The following PTGFRN variants were observed in gnomAD, a reference collection of about 807,000 sequenced individuals.
PTGFRN encodes prostaglandin F2 receptor negative regulator.
Under a neutral mutation model 83.2 loss-of-function variants are expected in PTGFRN, and 35 were observed. That is an observed-to-expected ratio of 0.42 (90% CI 0.32 to 0.56). The LOEUF (loss-of-function observed/expected upper bound fraction) is 0.56, where lower values mean the gene tolerates loss of function less well. Among genes scored for constraint, PTGFRN ranks in the 20% least tolerant of loss-of-function variants. PTGFRN has a pLI of 0.11. For missense variants in PTGFRN, 1,051 were observed against 1,179.5 expected (o/e 0.89, Z 1.60); for synonymous variants, 519 against 498.6 (o/e 1.04, Z -0.55).
chr1:116,918,816 C>T lies in PTGFRN; in HGVS notation c.49+8564C>T, dbSNP rs1557956959. ...GAGGGACAGCATCATGTGGTCTCTC[C>T]ATGGAATGAGAGTGGAAGGATGAGT... On this transcript the variant is annotated intron_variant, in intron 1 of 8. Transcript: ENST00000393203. This position sits in a 1 kb window ranked among gnomAD's most constrained non-coding sequence, Gnocchi z 4.1. 6.6e-6 allele frequency among the ~76,000 whole-genome samples: 1 copy of T among 152,150 alleles called. No individual in the cohort carries two copies. Among genetic ancestry groups the T allele is most frequent in the African/African-American group, 2.4e-5 (1 of 41,434 alleles).
Position 116,910,011 on chromosome 1 carries a change from G to A in PTGFRN, c.-193G>A, listed in dbSNP as rs1164589360. On this transcript the variant is annotated 5_prime_UTR_variant, in exon 1 of 9. Transcript: ENST00000393203. ...GCTGGAGGAGGGAGGGAAGGAGGCG[G>A]GAGGGAGCGAGCGGAGCCAGGGGCG... 1 of 671,804 alleles carries A rather than the reference G, an allele frequency of 1.5e-6. No individual in the cohort carries two copies. Among genetic ancestry groups the A allele is most frequent in the Non-Finnish European group, 2.6e-6 (1 of 384,766 alleles). The allele number at this position is 671,804 out of a possible 1,614,324, so 41.6% of individuals were successfully genotyped here.
At chr1:116,930,575 A>C (rs1649769607) in intron 1 of PTGFRN, among the ~76,000 whole-genome samples, 1 of 152,200 alleles carries the variant, frequency 6.6e-6, no homozygotes, top group Non-Finnish European at 1.5e-5. Context: ...AATAGATTTC[A>C]CCAGTGATTA....
intron 5 of PTGFRN, chr1:116,962,487 A>G (rs1280340080): frequency 6.6e-6 from 1 of 152,444 alleles, no homozygotes; most frequent in African/African-American, 2.4e-5. Context: ...TCTGAAGTAT[A>G]TGCATTCTGG....
intron 6 of PTGFRN, among the ~76,000 whole-genome samples, chr1:116,971,685 C>A (rs1650997386): frequency 6.6e-6 from 1 of 152,206 alleles, no homozygotes; most frequent in Admixed American, 6.5e-5. Flanking sequence ...TTCCCCAGTC[C>A]TTGTCTGCCT....
intron 7 of PTGFRN, among the ~76,000 whole-genome samples, chr1:116,980,132 A>G (rs969685256): frequency 1.3e-5 from 2 of 151,978 alleles, no homozygotes; most frequent in Non-Finnish European, 2.9e-5. Flanking sequence ...ATCACTGGCC[A>G]TCAGAGAAAT....
At chr1:116,937,567 A>G (rs981633221) in intron 1 of PTGFRN, among the ~76,000 whole-genome samples, 1 of 152,310 alleles carries the variant, frequency 6.6e-6, no homozygotes, top group African/African-American at 2.4e-5. Context: ...TGTGGAAAAT[A>G]TGATTTTGGC....
intron 4 of PTGFRN, among the ~76,000 whole-genome samples, chr1:116,959,522 A>G (rs2101075070): frequency 6.6e-6 from 1 of 152,380 alleles, no homozygotes; most frequent in Non-Finnish European, 1.5e-5. Context: ...CCTTGACCTC[A>G]GCAGTTTGTA....
rs1189621072 is a variant in PTGFRN, at chr1:116,958,238, C to T, written c.1214-3005C>T. Among the ~76,000 whole-genome samples, 1 of 152,170 alleles carries T rather than the reference C, an allele frequency of 6.6e-6. No individual in the cohort carries two copies. Among genetic ancestry groups the T allele is most frequent in the African/African-American group, 2.4e-5 (1 of 41,418 alleles). On this transcript the variant is annotated intron_variant, in intron 4 of 8. Transcript: ENST00000393203. This position sits in a 1 kb window ranked among gnomAD's most constrained non-coding sequence, Gnocchi z 4.9. ...CAACTTCATGGTGTTTTGGATCACA[C>T]TGGTCAGTCAGGCTGAGGCGAGGGC...
chr1:116,976,873 A>G (rs544610217), intron 7 of PTGFRN, among the ~76,000 whole-genome samples: 2 of 152,342 alleles, frequency 1.3e-5, no homozygotes, highest in East Asian at 3.9e-4. Context: ...ACACATAACA[A>G]TATTAACCTT....
chr1:116,967,097 A>G lies in PTGFRN; in HGVS notation c.1826A>G (p.Asp609Gly). Residue 609 changes from aspartate (D) to glycine (G), a missense_variant, in exon 6 of 9, where the codon GAC becomes GGC. By Grantham distance (94) the Asp-to-Gly change is moderately conservative (BLOSUM62 -1). Around this residue, in one of 3 missense-constraint regions of PTGFRN, gnomAD observed 719 missense variants for 836.6 expected, o/e 0.86. Transcript: ENST00000393203. Reference protein sequence around the residue: ...PNETKYIISLDQDSVVKLENW... With the variant: ...PNETKYIISLGQDSVVKLENW... ...GAAACGAAGTACATCATCTCTCTGG[A>G]CCAGGATTCTGTGGTGAAGCTGGAG... 1 of 1,614,204 alleles carries G rather than the reference A, an allele frequency of 6.2e-7. No homozygotes were observed. The highest frequency in any genetic ancestry group is 8.5e-7 in the Non-Finnish European group (1 of 1,180,044).
chr1:116,947,276 T>G (rs1432514277), intron 3 of PTGFRN, among the ~76,000 whole-genome samples: 1 of 152,250 alleles, frequency 6.6e-6, no homozygotes, highest in Non-Finnish European at 1.5e-5. Flanking sequence ...CAGCCCCTCC[T>G]CCCTGTCATG....
rs191412348 is a variant in PTGFRN at position 116,977,125 on chromosome 1, A to G, written c.2167+2802A>G. 4.9e-3 allele frequency among the ~76,000 whole-genome samples: 677 copies of G among 137,496 alleles called. 4 individuals carry two copies. The highest frequency in any genetic ancestry group is 0.016 in the African/African-American group (646 of 39,646). 90.2% of individuals were successfully genotyped at this position (137,496 alleles called of 152,430 possible). A position where few individuals can be genotyped will look rare whatever the true frequency, so the allele number is the denominator to read the frequency against. On this transcript the variant is annotated intron_variant, in intron 7 of 8. Transcript: ENST00000393203. ...CCAACAAAGATCAAAAGAGACAAAG[A>G]AGGCCATTACATAATGGTAAAGGGA...
At chr1:116,974,834 G>C (rs1651100676) in intron 7 of PTGFRN, among the ~76,000 whole-genome samples, 1 of 152,178 alleles carries the variant, frequency 6.6e-6, no homozygotes, top group Admixed American at 6.5e-5. Context: ...ATTTCCAACT[G>C]AGGTATCGGG....
intron 1 of PTGFRN, among the ~76,000 whole-genome samples, chr1:116,914,683 G>A (rs985014535): frequency 1.3e-4 from 20 of 151,968 alleles, no homozygotes; most frequent in African/African-American, 4.4e-4. Context: ...GAGTCTGGGA[G>A]GTCAAGGCTG....
chr1:116,979,935 A>G (rs1052116712), intron 7 of PTGFRN, among the ~76,000 whole-genome samples: 1 of 152,222 alleles, frequency 6.6e-6, no homozygotes, highest in Admixed American at 6.5e-5. Flanking sequence ...TGAACAGGCA[A>G]CCTACAGAAT....
intron 7 of PTGFRN, 29 bp from the exon 8 acceptor site, chr1:116,984,650 AC>A: frequency 6.2e-7 from 1 of 1,602,414 alleles, no homozygotes; most frequent in East Asian, 2.2e-5. Context: ...CATTGCACTG[AC>A]CCCAGGGTTT....
intron 1 of PTGFRN, among the ~76,000 whole-genome samples, chr1:116,938,770 C>T (rs1390968895): frequency 6.6e-6 from 1 of 152,200 alleles, no homozygotes; most frequent in Non-Finnish European, 1.5e-5. Context: ...TCATTTGAGA[C>T]AAGGCAAGTT....
At chr1:116,972,894 C>G (rs1178783269) in intron 6 of PTGFRN, among the ~76,000 whole-genome samples, 8 of 152,210 alleles carry the variant, frequency 5.3e-5, no homozygotes, top group Non-Finnish European at 1.2e-4. Context: ...GCATGTAAGA[C>G]AAACCCAGTT....
chr1:116,946,909 A>G (rs1191649483), intron 3 of PTGFRN, among the ~76,000 whole-genome samples: 1 of 152,354 alleles, frequency 6.6e-6, no homozygotes, highest in East Asian at 1.9e-4. Context: ...AGTAATGAGT[A>G]TACATGATAT....
Sources: allele counts gnomAD v4.1 joint callset (sites outside exome capture counted in the v4.1 genomes callset), GRCh38; gene constraint gnomAD v4.1.1; regional missense constraint gnomAD v4.1.1; non-coding constraint Gnocchi (gnomAD v3.1); transcripts MANE v1.5; gene names NCBI Gene and HGNC (gene_info 2026-07-23, HGNC 2026-07-21).